UNC5C: variants seen among roughly 807,000 people sequenced by gnomAD.
UNC5C encodes netrin receptor UNC5C.
A neutral mutation model predicts 99.8 loss-of-function variants in UNC5C; 47 were observed. That is an observed-to-expected ratio of 0.47 (90% CI 0.37 to 0.60). The LOEUF is 0.60. Ranked by LOEUF, UNC5C falls within the 20% of genes least tolerant of loss-of-function variation. UNC5C has a pLI of 0.00. For missense variants in UNC5C, 1,062 were observed against 1,165.9 expected, an observed-to-expected ratio of 0.91 and a Z score of 1.30; for synonymous variants, 487 against 452.2, an observed-to-expected ratio of 1.08 and a Z score of -0.98.
chr4:95,373,537 A>G (rs1392627024), intron 1 of UNC5C, among the ~76,000 whole-genome samples: 1 of 152,082 alleles, frequency 6.6e-6, no homozygotes, highest in African/African-American at 2.4e-5. Context: ...ATCCCTGCCC[A>G]ATACTGTGGC....
At chr4:95,292,372 C>T (rs1026733947) in intron 3 of UNC5C, among the ~76,000 whole-genome samples, 2 of 151,392 alleles carry the variant, frequency 1.3e-5, no homozygotes, top group African/African-American at 4.9e-5. Flanking sequence ...CAGGTTCACG[C>T]CATTCTCCTG....
chr4:95,286,060 G>T (rs1467056153), intron 3 of UNC5C, among the ~76,000 whole-genome samples: 2 of 152,088 alleles, frequency 1.3e-5, no homozygotes, highest in Non-Finnish European at 2.9e-5. Flanking sequence ...TATAGGAAAG[G>T]TCACCTATAA....
rs1324747347 is a variant in UNC5C at position 95,175,603 on chromosome 4, T to A, written c.2452-5271A>T. ...CCCTTCTGGCTTGTAGAGTTTCTGCTGAGAGATCAGGTGTTAGTCTGATGG... is the reference window on the plus strand; with the variant it reads ...CCCTTCTGGCTTGTAGAGTTTCTGCAGAGAGATCAGGTGTTAGTCTGATGG... On this transcript the variant is annotated intron_variant, in intron 14 of 15. Coordinates refer to ENST00000453304, the MANE Select transcript of UNC5C (RefSeq NM_003728.4). Among the ~76,000 whole-genome samples the A allele has an allele frequency of 2.3e-3, 356 of 152,330 alleles. 3 individuals are homozygous for A. The highest frequency in any genetic ancestry group is 8.3e-3 in the African/African-American group (346 of 41,558).
At chr4:95,521,897 TG>T (rs1399366642) in intron 1 of UNC5C, among the ~76,000 whole-genome samples, 1 of 152,230 alleles carries the variant, frequency 6.6e-6, no homozygotes, top group African/African-American at 2.4e-5. Context: ...TCATTCAATT[TG>T]GTCTTGGCTT....
At chr4:95,488,279 T>C (rs1344959531) in intron 1 of UNC5C, among the ~76,000 whole-genome samples, 4 of 151,760 alleles carry the variant, frequency 2.6e-5, no homozygotes, top group Non-Finnish European at 5.9e-5. Context: ...ATACTGACAA[T>C]ATTATTCATA....
Position 95,182,995 on chromosome 4 carries a change from T to C in UNC5C, c.2353A>G (p.Arg785Gly), listed in dbSNP as rs1337265834. 2 of 1,613,408 alleles carry C rather than the reference T, an allele frequency of 1.2e-6. No individual in the cohort carries two copies. Among genetic ancestry groups the C allele is most frequent in the Non-Finnish European group, 1.7e-6 (2 of 1,179,478 alleles). ...RNLHCTFTLE[R>G]FSLNTVELVC... The stretch of plus-strand genomic sequence containing the variant: ...AGCTCCACTGTGTTCAGGCTAAATC[T>C]TTCCAGAGTGAAGGTGCAGTGCAGG... The change falls in exon 14 of 16, where the codon AGA (arginine) becomes GGA (glycine). Residue 785 changes from arginine (R) to glycine (G), a missense_variant. Arg to Gly is a moderately radical substitution (Grantham distance 125). This residue lies in a region of UNC5C where 810 missense variants were observed against 854.5 expected (regional missense o/e 0.95). Coordinates refer to ENST00000453304, the MANE Select transcript of UNC5C (RefSeq NM_003728.4).
chr4:95,369,824 C>T (rs775340625), intron 1 of UNC5C, among the ~76,000 whole-genome samples: 16 of 151,526 alleles, frequency 1.1e-4, no homozygotes, highest in South Asian at 2.1e-4. Context: ...ATAGGAAGGA[C>T]GGCATTGCAG....
Position 95,244,987 on chromosome 4 carries a change from C to T in UNC5C, c.933G>A (p.Thr311=), listed in dbSNP as rs773385589. The T allele has an allele frequency of 1.0e-4, 169 of 1,613,900 alleles. 4 individuals carry two copies. In the Middle Eastern group the frequency reaches 5.9e-3, roughly 57 times the overall value. ...GQSVQKIACT[T]LCPVDGRWTP... The stretch of plus-strand genomic sequence containing the variant: ...GACTGGTTTATTTACCTGGGCATAA[C>T]GTAGTACAGGCTATTTTCTGCACAC... The change falls in exon 6 of 16, where the codon ACG becomes ACA. Residue 311 remains threonine (T), a synonymous_variant. Transcript: ENST00000453304.
At chr4:95,260,089 C>T (rs6846193) in intron 4 of UNC5C, among the ~76,000 whole-genome samples, 56,131 of 151,948 alleles carry the variant, frequency 0.37, 11,098 homozygotes, top group East Asian at 0.55. Flanking sequence ...TATGACTGCA[C>T]TGGTCCCCAA....
chr4:95,211,032 C>T (rs1738057192), intron 10 of UNC5C, among the ~76,000 whole-genome samples: 1 of 152,190 alleles, frequency 6.6e-6, no homozygotes, highest in Non-Finnish European at 1.5e-5. Context: ...ATTTCTTTCA[C>T]ACGATGCTGT....
intron 3 of UNC5C, among the ~76,000 whole-genome samples, chr4:95,280,521 TC>T (rs1741018394): frequency 6.6e-6 from 1 of 152,092 alleles, no homozygotes; most frequent in Non-Finnish European, 1.5e-5. Context: ...AAACCCAGTC[TC>T]TACTAAAAAT....
intron 1 of UNC5C, among the ~76,000 whole-genome samples, chr4:95,493,962 C>A (rs1430755002): frequency 6.6e-6 from 1 of 151,254 alleles, no homozygotes; most frequent in East Asian, 1.9e-4. Context: ...ATTGTATCTG[C>A]CAAAGATGCC....
chr4:95,396,113 A>G (rs2149446770), intron 1 of UNC5C, among the ~76,000 whole-genome samples: 1 of 152,342 alleles, frequency 6.6e-6, no homozygotes, highest in South Asian at 2.1e-4. Context: ...ATAAACCCAG[A>G]GGATATTAAT....
In UNC5C at chr4:95,206,650, T is replaced by A; in HGVS notation, c.1880A>T (p.Gln627Leu). The change falls in exon 11 of 16, where the codon CAG becomes CTG. Residue 627 changes from glutamine to leucine, a missense_variant. Gln to Leu is a moderately radical substitution (Grantham distance 113, BLOSUM62 -2). Around this residue, in one of 3 missense-constraint regions of UNC5C, gnomAD observed 810 missense variants for 854.5 expected, o/e 0.95. Transcript: ENST00000453304. ...TEDWKILLKN[Q>L]AAQGQWEDVV... ...CACCTCCCACTGTCCCTGTGCTGCC[T>A]GGTTCTTGAGCAGTATTTTCCAGTC... 6.2e-7 allele frequency: 1 copy of A among 1,614,176 alleles called. No individual in the cohort carries two copies. Among genetic ancestry groups the A allele is most frequent in the Non-Finnish European group, 8.5e-7 (1 of 1,180,020 alleles).
At chr4:95,265,028 C>G (rs1228677009) in intron 4 of UNC5C, among the ~76,000 whole-genome samples, 1 of 152,162 alleles carries the variant, frequency 6.6e-6, no homozygotes, top group Non-Finnish European at 1.5e-5. Flanking sequence ...AGCGCTTAAG[C>G]CATCCTGATG....
chr4:95,261,380 C>T (rs1740220588), intron 4 of UNC5C, among the ~76,000 whole-genome samples: 1 of 152,164 alleles, frequency 6.6e-6, no homozygotes, highest in African/African-American at 2.4e-5. Context: ...TCAGGAAAGC[C>T]TCCTTACCCT....
intron 2 of UNC5C, among the ~76,000 whole-genome samples, chr4:95,304,543 T>C (rs2149405334): frequency 6.6e-6 from 1 of 152,220 alleles, no homozygotes; most frequent in Admixed American, 6.5e-5. Flanking sequence ...CACAACCTCT[T>C]TCCCCAGTCC....
intron 1 of UNC5C, among the ~76,000 whole-genome samples, chr4:95,462,679 T>C (rs372988262): frequency 2.6e-5 from 4 of 152,322 alleles, no homozygotes; most frequent in African/African-American, 9.6e-5. Flanking sequence ...ACTACAACCA[T>C]CACTAGCATG....
At chr4:95,291,685 T>C (rs1741460084) in intron 3 of UNC5C, among the ~76,000 whole-genome samples, 1 of 152,178 alleles carries the variant, frequency 6.6e-6, no homozygotes, top group African/African-American at 2.4e-5. Context: ...GTATACATTA[T>C]AATATTTAAT....
Sources: allele counts gnomAD v4.1 joint callset (sites outside exome capture counted in the v4.1 genomes callset), GRCh38; gene constraint gnomAD v4.1.1; regional missense constraint gnomAD v4.1.1; transcripts MANE v1.5; gene names NCBI Gene and HGNC (gene_info 2026-07-23, HGNC 2026-07-21).